Variants in HHAT observed in about 807,000 individuals in gnomAD.
HHAT encodes protein-cysteine N-palmitoyltransferase HHAT.
A neutral mutation model predicts 70.8 loss-of-function variants in HHAT; 47 were observed. That is an observed-to-expected ratio of 0.66 (90% CI 0.53 to 0.85). The LOEUF is 0.85. Among genes scored for constraint, HHAT ranks in the 40% least tolerant of loss-of-function variants. The pLI is 0.00. For synonymous variants in HHAT, 228 were observed against 247.6 expected, an observed-to-expected ratio of 0.92 and a Z score of 0.74; for missense variants, 609 against 604.8, an observed-to-expected ratio of 1.01 and a Z score of -0.07.
intron 6 of HHAT, among the ~76,000 whole-genome samples, chr1:210,408,236 G>A (rs2092407784): frequency 6.6e-6 from 1 of 152,122 alleles, no homozygotes; most frequent in African/African-American, 2.4e-5. Context: ...AGGCTGGAGT[G>A]CAGTGGCACA....
At chr1:210,616,941 T>C (rs1407252501) in intron 10 of HHAT, among the ~76,000 whole-genome samples, 2 of 152,238 alleles carry the variant, frequency 1.3e-5, no homozygotes, top group Non-Finnish European at 2.9e-5. Flanking sequence ...CCATGGGTTA[T>C]AGAAACACAG....
At chr1:210,669,479 A>C (rs1282687432) in intron 11 of HHAT, among the ~76,000 whole-genome samples, 2 of 152,242 alleles carry the variant, frequency 1.3e-5, no homozygotes, top group Non-Finnish European at 2.9e-5. Context: ...TGCCACCTAC[A>C]TTGGTCCTCT....
At chr1:210,658,562 T>C (rs1230469005) in intron 11 of HHAT, among the ~76,000 whole-genome samples, 2 of 152,088 alleles carry the variant, frequency 1.3e-5, no homozygotes, top group East Asian at 3.9e-4. Flanking sequence ...AATATTGACA[T>C]TGGGGTGTTC....
chr1:210,635,873 T>C (rs1216903014), intron 11 of HHAT, among the ~76,000 whole-genome samples: 1 of 152,178 alleles, frequency 6.6e-6, no homozygotes, highest in African/African-American at 2.4e-5. Flanking sequence ...GAGCCACTTA[T>C]TCCACGTACT....
intron 1 of HHAT, among the ~76,000 whole-genome samples, chr1:210,331,485 G>A (rs1247376880): frequency 6.6e-6 from 1 of 152,180 alleles, no homozygotes; most frequent in Non-Finnish European, 1.5e-5. Flanking sequence ...CTAGGGCCCG[G>A]TCATTTGCTA....
intron 3 of HHAT, among the ~76,000 whole-genome samples, chr1:210,375,595 T>C (rs1175047335): frequency 1.3e-5 from 2 of 152,212 alleles, no homozygotes; most frequent in Non-Finnish European, 2.9e-5. Context: ...ATTGCTGTAT[T>C]TAATTTGATT....
At chr1:210,349,651 A>AT (rs2086836421) in intron 2 of HHAT, among the ~76,000 whole-genome samples, 1 of 111,414 alleles carries the variant, frequency 9.0e-6, no homozygotes. Flanking sequence ...GCTACCTAAA[A>AT]CTTTTTTTTT....
At chr1:210,427,249 AT>A (rs202101690) in intron 7 of HHAT, among the ~76,000 whole-genome samples, 1,533 of 151,206 alleles carry the variant, frequency 0.01, 26 homozygotes, top group African/African-American at 0.035. Context: ...TATTTTATTA[AT>A]TTTTTTTTAA....
At chr1:210,595,315 A>G (rs545718616) in intron 10 of HHAT, among the ~76,000 whole-genome samples, 35 of 152,254 alleles carry the variant, frequency 2.3e-4, no homozygotes, top group Non-Finnish European at 1.6e-4. Flanking sequence ...TTATGGCTGC[A>G]TAGTATTCCA....
rs949332283 is a variant in HHAT, at chr1:210,329,526, C to T, written c.-44+422C>T. 5 of 984,980 alleles carry T rather than the reference C, an allele frequency of 5.1e-6. No homozygotes were observed. The African/African-American group carries it at 7.0e-5, about 14-fold the overall frequency. 61.0% of individuals were successfully genotyped at this position (984,980 alleles called of 1,614,324 possible). ...CGTTCTATCTTCAGGACTCAGTTTTCTTCCTCTGTTCTGAGTCTAACCTTC... is the reference window on the plus strand; with the variant it reads ...CGTTCTATCTTCAGGACTCAGTTTTTTTCCTCTGTTCTGAGTCTAACCTTC... On this transcript the variant is annotated intron_variant, in intron 1 of 11. Transcript: ENST00000261458.
chr1:210,349,066 G>GGT lies in HHAT; in HGVS notation c.91+1_91+2dup, dbSNP rs770450391. Reference sequence around the variant, plus strand: ...CTATGAAGTTTACAAAGTCTCCAGAGGTAAGGCCCCAAGCTTTTCAGACCT... The same window carrying GGT: ...CTATGAAGTTTACAAAGTCTCCAGAGGTGTAAGGCCCCAAGCTTTTCAGACCT... On this transcript the variant is annotated frameshift_variant and splice_region_variant. Transcript: ENST00000261458. LOFTEE classifies it high-confidence loss of function. 1.2e-6 allele frequency: 2 copies of GGT among 1,613,752 alleles called. No homozygotes were observed. Among genetic ancestry groups the GGT allele is most frequent in the Non-Finnish European group, 1.7e-6 (2 of 1,179,898 alleles).
chr1:210,579,001 T>G (rs765222944), intron 9 of HHAT, among the ~76,000 whole-genome samples: 4 of 152,190 alleles, frequency 2.6e-5, no homozygotes, highest in Non-Finnish European at 5.9e-5. Context: ...GATCATGTCC[T>G]TTGCAAGAAC....
intron 8 of HHAT, among the ~76,000 whole-genome samples, chr1:210,473,700 C>T (rs2094250306): frequency 6.6e-6 from 1 of 152,346 alleles, no homozygotes; most frequent in Middle Eastern, 3.4e-3. Context: ...GCCATTGTCT[C>T]CTCCTGCATC....
intron 2 of HHAT, 77 bp downstream of exon 2, chr1:210,349,143 C>T: frequency 1.6e-5 from 23 of 1,447,698 alleles, no homozygotes; most frequent in Non-Finnish European, 2.1e-5. Flanking sequence ...GTGGAAGATT[C>T]AAGAAGATGA....
intron 9 of HHAT, among the ~76,000 whole-genome samples, chr1:210,538,254 T>A (rs1238352996): frequency 5.3e-5 from 8 of 152,194 alleles, no homozygotes; most frequent in Non-Finnish European, 1.2e-4. Context: ...TATGAATACA[T>A]TTTACTTCAT....
chr1:210,369,043 A>G (rs769829643), intron 3 of HHAT, among the ~76,000 whole-genome samples: 45 of 151,668 alleles, frequency 3.0e-4, no homozygotes, highest in Non-Finnish European at 5.0e-4. Context: ...GCGCCATTGC[A>G]CTCCAGCCTG....
intron 3 of HHAT, among the ~76,000 whole-genome samples, chr1:210,373,533 T>C (rs1416294829): frequency 4.6e-5 from 7 of 152,316 alleles, no homozygotes; most frequent in African/African-American, 9.6e-5. Flanking sequence ...TGACTGATGC[T>C]ACTTTCAGGG....
chr1:210,539,032 G>A (rs2095402745), intron 9 of HHAT, among the ~76,000 whole-genome samples: 1 of 152,174 alleles, frequency 6.6e-6, no homozygotes, highest in Non-Finnish European at 1.5e-5. Context: ...AGCCAAGATT[G>A]CACCACTGTA....
At chr1:210,461,513 G>A (rs1001050744) in intron 7 of HHAT, among the ~76,000 whole-genome samples, 2 of 152,002 alleles carry the variant, frequency 1.3e-5, no homozygotes, top group South Asian at 2.1e-4. Flanking sequence ...TGTTGGCCAG[G>A]ATGGTCTCGA....
Sources: allele counts gnomAD v4.1 joint callset (sites outside exome capture counted in the v4.1 genomes callset), GRCh38; gene constraint gnomAD v4.1.1; transcripts MANE v1.5; gene names NCBI Gene and HGNC (gene_info 2026-07-23, HGNC 2026-07-21).